Variants in SMYD3 observed in about 807,000 individuals in gnomAD.
The protein encoded by SMYD3 is SET and MYND domain containing 3.
SMYD3 carries 36 observed loss-of-function variants against 57.7 expected under a neutral mutation model. The ratio of observed to expected loss-of-function variants is 0.62; its 90% CI spans 0.48 to 0.82. SMYD3 has a LOEUF of 0.82. Ranked by LOEUF, SMYD3 falls within the 40% of genes least tolerant of loss-of-function variation. The pLI, the probability that SMYD3 is intolerant of heterozygous loss-of-function variation, is 0.00. For synonymous variants in SMYD3, 211 were observed against 195.0 expected, an observed-to-expected ratio of 1.08 and a Z score of -0.68; for missense variants, 515 against 538.8, an observed-to-expected ratio of 0.96 and a Z score of 0.44.
At chr1:246,403,141 G>T (rs1416467696) in intron 1 of SMYD3, among the ~76,000 whole-genome samples, 2 of 152,076 alleles carry the variant, frequency 1.3e-5, no homozygotes, top group Non-Finnish European at 2.9e-5. Flanking sequence ...GGCTTTTTTA[G>T]TTCCTCCCTG....
intron 10 of SMYD3, among the ~76,000 whole-genome samples, chr1:245,810,443 T>C (rs1243270794): frequency 6.6e-6 from 1 of 152,162 alleles, no homozygotes; most frequent in East Asian, 1.9e-4. Context: ...TAAGCATCCT[T>C]GTACAGATGG....
intron 5 of SMYD3, among the ~76,000 whole-genome samples, chr1:246,282,327 A>AAAAAAAAAAAAAAAC (rs2064465400): frequency 7.1e-6 from 1 of 141,176 alleles, no homozygotes; most frequent in African/African-American, 2.5e-5. Flanking sequence ...AAAAAAAAAA[A>AAAAAAAAAAAAAAAC]AAAAAAAAAA....
chr1:245,753,715 C>A (rs2045492267), intron 11 of SMYD3, among the ~76,000 whole-genome samples: 1 of 152,210 alleles, frequency 6.6e-6, no homozygotes, highest in Non-Finnish European at 1.5e-5. Context: ...ATGAGGAGGG[C>A]TTCCCCTCAC....
At chr1:246,399,978 C>T (rs997702978) in intron 1 of SMYD3, among the ~76,000 whole-genome samples, 1 of 152,154 alleles carries the variant, frequency 6.6e-6, no homozygotes, top group African/African-American at 2.4e-5. Flanking sequence ...AGCCATTAAA[C>T]AAGACCACTA....
chr1:245,981,470 A>G (rs1027089927), intron 5 of SMYD3, among the ~76,000 whole-genome samples: 2 of 152,270 alleles, frequency 1.3e-5, no homozygotes, highest in East Asian at 1.9e-4. Flanking sequence ...GAATCCTTCT[A>G]TGTATATACA....
At chr1:245,775,191 C>T (rs560844419) in intron 10 of SMYD3, among the ~76,000 whole-genome samples, 2 of 152,168 alleles carry the variant, frequency 1.3e-5, no homozygotes, top group East Asian at 3.9e-4. Context: ...CACCCCCACC[C>T]GGCCAGCCGC....
At chr1:246,256,469 T>C (rs759736979) in intron 5 of SMYD3, among the ~76,000 whole-genome samples, 2 of 152,226 alleles carry the variant, frequency 1.3e-5, no homozygotes, top group African/African-American at 4.8e-5. Flanking sequence ...TTTGTGTGCA[T>C]AGAGGTGTTC....
intron 5 of SMYD3, among the ~76,000 whole-genome samples, chr1:246,169,797 G>A (rs747810639): frequency 3.8e-4 from 58 of 151,874 alleles, no homozygotes; most frequent in Middle Eastern, 6.8e-3. Flanking sequence ...CCAGCTACCC[G>A]AGAAGCTGAG....
rs75988442 is a variant in SMYD3, at chr1:246,437,622, T to C, written c.164+69432A>G. On this transcript the variant is annotated intron_variant, in intron 1 of 11. Coordinates refer to ENST00000490107, the MANE Select transcript of SMYD3 (RefSeq NM_001167740.2). The stretch of plus-strand genomic sequence containing the variant: ...TTTCTGTACACAATTTTGTTTTTAT[T>C]AATGCGTGAATTTGTTTGCTAAAAG... Among the ~76,000 whole-genome samples, 154 of 152,342 alleles carry C rather than the reference T, an allele frequency of 1.0e-3. 2 individuals carry two copies. In the East Asian group the frequency reaches 0.027, roughly 27 times the overall value.
intron 2 of SMYD3, among the ~76,000 whole-genome samples, chr1:246,336,251 G>A (rs532374057): frequency 3.9e-5 from 6 of 152,224 alleles, no homozygotes; most frequent in South Asian, 2.1e-4. Flanking sequence ...GAAAGGCGAC[G>A]GCTCCTTTCA....
intron 1 of SMYD3, among the ~76,000 whole-genome samples, chr1:246,420,806 G>T (rs1006453847): frequency 6.6e-6 from 1 of 152,194 alleles, no homozygotes; most frequent in African/African-American, 2.4e-5. Context: ...AATTGCCGTG[G>T]AGCAGGGCAA....
chr1:246,489,801 T>A (rs1370112884), intron 1 of SMYD3, among the ~76,000 whole-genome samples: 1 of 152,096 alleles, frequency 6.6e-6, no homozygotes, highest in Non-Finnish European at 1.5e-5. Flanking sequence ...CTGTATGAAG[T>A]TATTTATGCT....
chr1:245,805,987 C>G (rs768852758), intron 10 of SMYD3, among the ~76,000 whole-genome samples: 13 of 152,196 alleles, frequency 8.5e-5, no homozygotes, highest in Non-Finnish European at 1.6e-4. Context: ...TTTCCTACCC[C>G]ATCATCTGAT....
chr1:246,047,283 G>T (rs2059985393), intron 5 of SMYD3, among the ~76,000 whole-genome samples: 1 of 152,156 alleles, frequency 6.6e-6, no homozygotes, highest in South Asian at 2.1e-4. Flanking sequence ...AAAGAAAAGA[G>T]AATGATTCTA....
At chr1:246,303,712 C>T (rs1489544153) in intron 5 of SMYD3, among the ~76,000 whole-genome samples, 1 of 152,118 alleles carries the variant, frequency 6.6e-6, no homozygotes, top group African/African-American at 2.4e-5. Context: ...CACAGCTTGA[C>T]ACATAGGAAG....
At position 246,398,851 on chromosome 1, in the gene SMYD3, T is replaced by C. The variant is rs189109700; in HGVS notation, c.165-43757A>G. On this transcript the variant is annotated intron_variant, in intron 1 of 11. Coordinates refer to ENST00000490107, the MANE Select transcript of SMYD3 (RefSeq NM_001167740.2). ...CTAGTGATGAGTCTGACAAGAGCTA[T>C]ATAAAATAGACAGTATCAAACAACA... 1.1e-3 allele frequency among the ~76,000 whole-genome samples: 161 copies of C among 152,268 alleles called. 1 individual carries two copies. The highest frequency in any genetic ancestry group is 3.7e-3 in the African/African-American group (154 of 41,558).
intron 5 of SMYD3, among the ~76,000 whole-genome samples, chr1:245,993,152 C>G (rs1389525421): frequency 2.0e-5 from 3 of 152,218 alleles, no homozygotes; most frequent in Non-Finnish European, 2.9e-5. Context: ...TGAAGCGTTA[C>G]ACCCTTATTA....
At chr1:246,039,006 C>T (rs929450509) in intron 5 of SMYD3, among the ~76,000 whole-genome samples, 2 of 152,060 alleles carry the variant, frequency 1.3e-5, no homozygotes, top group Admixed American at 6.6e-5. Flanking sequence ...CAAAAATTGG[C>T]CGTTCAAGTC....
intron 5 of SMYD3, among the ~76,000 whole-genome samples, chr1:246,261,279 G>A (rs1050465824): frequency 6.6e-6 from 1 of 151,050 alleles, no homozygotes; most frequent in Non-Finnish European, 1.5e-5. Context: ...GGATGGTCTC[G>A]ATCTCCTGAC....
Sources: gnomAD v4.1 joint callset for allele counts (sites outside exome capture counted in the v4.1 genomes callset) on GRCh38, gnomAD v4.1.1 for gene constraint, MANE v1.5 for transcripts, NCBI Gene and HGNC (gene_info 2026-07-23, HGNC 2026-07-21) for gene names.